Variants in GALNT1 observed in about 807,000 individuals in gnomAD.
GALNT1 encodes polypeptide N-acetylgalactosaminyltransferase 1, also known as GalNAc transferase 1.
In GALNT1, 17 loss-of-function variants were observed where a neutral mutation model predicts 65.7. The observed-to-expected ratio is 0.26, with a 90% CI of 0.18 to 0.39. GALNT1 has a LOEUF of 0.39. GALNT1 is among the 10% of genes least tolerant of loss of function. GALNT1 has a pLI of 1.00. For synonymous variants in GALNT1, 210 were observed against 219.7 expected, an observed-to-expected ratio of 0.96 and a Z score of 0.39; for missense variants, 460 against 672.8, an observed-to-expected ratio of 0.68 and a Z score of 3.50.
intron 1 of GALNT1, among the ~76,000 whole-genome samples, chr18:35,595,640 A>ATGTT (rs2143902827): frequency 6.6e-6 from 1 of 152,292 alleles, no homozygotes; most frequent in African/African-American, 2.4e-5. Context: ...TTTTTGCATA[A>ATGTT]AAAATACTCT....
intron 1 of GALNT1, among the ~76,000 whole-genome samples, chr18:35,626,910 C>T (rs960971424): frequency 1.3e-5 from 2 of 152,220 alleles, no homozygotes; most frequent in African/African-American, 4.8e-5. Context: ...TGCTTCCCAG[C>T]AGACCTCCCT....
chr18:35,585,159 A>C (rs1236020625), intron 1 of GALNT1, among the ~76,000 whole-genome samples: 1 of 151,864 alleles, frequency 6.6e-6, no homozygotes, highest in East Asian at 1.9e-4. Flanking sequence ...CCTGCACCTG[A>C]CTTTTGGGGA....
intron 4 of GALNT1, among the ~76,000 whole-genome samples, chr18:35,682,523 TAGC>T (rs1462623144): frequency 6.6e-6 from 1 of 152,198 alleles, no homozygotes; most frequent in African/African-American, 2.4e-5. Flanking sequence ...TTACCACCAA[TAGC>T]AGAGTTCTCT....
At chr18:35,663,486 G>T (rs1223019351) in intron 2 of GALNT1, 142 bp from the exon 3 acceptor site, 17 of 790,032 alleles carry the variant, frequency 2.2e-5, no homozygotes, top group Admixed American at 2.9e-5. Context: ...CCCTTGAAAG[G>T]GTTAACAGCC....
chr18:35,703,519 A>T lies in GALNT1; in HGVS notation c.1409A>T (p.Tyr470Phe), dbSNP rs1484498272. 3 of 1,613,450 alleles carry T rather than the reference A, an allele frequency of 1.9e-6. No homozygotes were observed. Among genetic ancestry groups the T allele is most frequent in the Non-Finnish European group, 8.5e-7 (1 of 1,179,706 alleles). Residue 470 changes from tyrosine to phenylalanine, a missense_variant, in exon 11 of 12, where the codon TAT becomes TTT. Tyr to Phe is a conservative substitution (Grantham distance 22, BLOSUM62 3). Coordinates refer to ENST00000269195, the MANE Select transcript of GALNT1 (RefSeq NM_020474.4). The part of the protein sequence containing the change: ...HGMGGNQVFS[Y>F]TANKEIRTDD... ...CATTTTTATTTCCAGGTTTTCTCTT[A>T]TACTGCCAACAAAGAAATTAGAACA...
chr18:35,653,277 T>A (rs189374197), intron 1 of GALNT1, among the ~76,000 whole-genome samples: 1 of 152,292 alleles, frequency 6.6e-6, no homozygotes, highest in African/African-American at 2.4e-5. Flanking sequence ...AAATAATAAC[T>A]TTACATTTAT....
chr18:35,696,872 A>G (rs777397870), intron 9 of GALNT1, among the ~76,000 whole-genome samples: 8 of 152,232 alleles, frequency 5.3e-5, no homozygotes, highest in Non-Finnish European at 8.8e-5. Context: ...GTGAATCCAG[A>G]TTCACTAATG....
At chr18:35,698,033 A>G (rs1283677077) in intron 9 of GALNT1, among the ~76,000 whole-genome samples, 2 of 152,220 alleles carry the variant, frequency 1.3e-5, no homozygotes, top group Admixed American at 6.5e-5. Flanking sequence ...AGGGTGGCCA[A>G]TGGTGTGAGA....
At chr18:35,708,487 G>C (rs966233992) in intron 11 of GALNT1, among the ~76,000 whole-genome samples, 3 of 152,156 alleles carry the variant, frequency 2.0e-5, no homozygotes, top group Non-Finnish European at 4.4e-5. Flanking sequence ...TGCAAAAAAG[G>C]CCTCATGAAA....
rs776385303 is a variant in GALNT1, at chr18:35,693,121, A to G, written c.1299+801A>G. On this transcript the variant is annotated intron_variant, in intron 9 of 11. Transcript: ENST00000269195. Reference sequence around the variant, plus strand: ...GAATGACTGACAAGTGAGCGTGGGTAGTAGTACTGTTTTATGTAAGGAAGT... The same window carrying G: ...GAATGACTGACAAGTGAGCGTGGGTGGTAGTACTGTTTTATGTAAGGAAGT... Among the ~76,000 whole-genome samples, 42 of 152,310 alleles carry G rather than the reference A, an allele frequency of 2.8e-4. 1 individual carries two copies. In the Middle Eastern group the frequency reaches 0.014, roughly 49 times the overall value.
intron 1 of GALNT1, among the ~76,000 whole-genome samples, chr18:35,608,906 A>C (rs1464558272): frequency 6.6e-5 from 10 of 152,224 alleles, no homozygotes; most frequent in Admixed American, 6.5e-4. Flanking sequence ...GTCCAAATGC[A>C]GGTGTTCTTT....
At chr18:35,685,309 T>C (rs2047851462) in intron 5 of GALNT1, among the ~76,000 whole-genome samples, 1 of 152,210 alleles carries the variant, frequency 6.6e-6, no homozygotes, top group South Asian at 2.1e-4. Flanking sequence ...CTAATTCGTT[T>C]AATACATCCC....
At position 35,677,571 on chromosome 18, in the gene GALNT1, G is replaced by A. The variant is rs781107313; in HGVS notation, c.315-20G>A. On this transcript the variant is annotated intron_variant, in intron 3 of 11. Transcript: ENST00000269195. ...AATCTTAACAGTCACTTTTTATAAAGGCATTTGCTTTGTCTCTAGGTGTAA... is the reference window on the plus strand; with the variant it reads ...AATCTTAACAGTCACTTTTTATAAAAGCATTTGCTTTGTCTCTAGGTGTAA... 20 of 1,588,184 alleles carry A rather than the reference G, an allele frequency of 1.3e-5. No homozygotes were observed. In the African/African-American group the frequency reaches 2.3e-4, roughly 18 times the overall value.
At chr18:35,593,135 A>G (rs72958839) in intron 1 of GALNT1, among the ~76,000 whole-genome samples, 17,372 of 152,096 alleles carry the variant, frequency 0.11, 1,400 homozygotes, top group African/African-American at 0.23. Context: ...GAAGAAATCT[A>G]TGTGGCACAC....
At chr18:35,609,607 G>A (rs2046691890) in intron 1 of GALNT1, among the ~76,000 whole-genome samples, 1 of 152,108 alleles carries the variant, frequency 6.6e-6, no homozygotes, top group Admixed American at 6.6e-5. Flanking sequence ...CACTGTCTTG[G>A]CATCATAGAT....
intron 3 of GALNT1, chr18:35,664,284 A>G (rs2047515607): frequency 6.5e-6 from 1 of 154,164 alleles, no homozygotes. Context: ...CAGCCGTTAT[A>G]TTGACCTCTC....
At chr18:35,622,195 T>G (rs72960666) in intron 1 of GALNT1, among the ~76,000 whole-genome samples, 1 of 152,104 alleles carries the variant, frequency 6.6e-6, no homozygotes, top group African/African-American at 2.4e-5. Context: ...AAAGATAGTA[T>G]TCCTTAATTT....
intron 1 of GALNT1, among the ~76,000 whole-genome samples, chr18:35,625,961 C>T (rs1223536386): frequency 6.6e-6 from 1 of 152,132 alleles, no homozygotes; most frequent in Non-Finnish European, 1.5e-5. Context: ...GTTCTGAACA[C>T]ACCCCTTTAC....
At chr18:35,664,176 AC>A (rs1415762185) in intron 3 of GALNT1, 8 of 195,168 alleles carry the variant, frequency 4.1e-5, no homozygotes, top group Non-Finnish European at 8.3e-5. Flanking sequence ...CTATGTATAC[AC>A]CTGTGTAACC....
Sources: allele counts gnomAD v4.1 joint callset (sites outside exome capture counted in the v4.1 genomes callset), GRCh38; gene constraint gnomAD v4.1.1; transcripts MANE v1.5; gene names NCBI Gene and HGNC (gene_info 2026-07-23, HGNC 2026-07-21).